Variants in MYOZ2 observed in about 807,000 individuals in gnomAD.
The protein encoded by MYOZ2 is myozenin-2.
A neutral mutation model predicts 25.4 loss-of-function variants in MYOZ2; 19 were observed. The ratio of observed to expected loss-of-function variants is 0.75; its 90% confidence interval spans 0.52 to 1.10. MYOZ2 has a LOEUF of 1.10. Ranked by LOEUF, MYOZ2 falls within the 50% of genes least tolerant of loss-of-function variation. MYOZ2 has a pLI of 0.00. For missense variants in MYOZ2, 270 were observed against 317.9 expected (o/e 0.85, Z 1.15); for synonymous variants, 92 against 106.9 (o/e 0.86, Z 0.86).
intron 5 of MYOZ2, among the ~76,000 whole-genome samples, chr4:119,170,810 G>A (rs1434940053): frequency 2.0e-5 from 3 of 152,088 alleles, no homozygotes; most frequent in Non-Finnish European, 4.4e-5. Context: ...AAGACATCAA[G>A]CTTCAAGTTC....
rs142908946 is a variant in MYOZ2, at chr4:119,152,147, T to A, written c.246+1106T>A. ...CAGCCATCCATTGATTAAATCTAGTTTTAATTGTGAATTCAGTTAGCCATC... is the reference window on the plus strand; with the variant it reads ...CAGCCATCCATTGATTAAATCTAGTATTAATTGTGAATTCAGTTAGCCATC... On this transcript the variant is annotated intron_variant, in intron 3 of 5. Transcript: ENST00000307128. Among the ~76,000 whole-genome samples the A allele has an allele frequency of 3.0e-3, 450 of 152,272 alleles. 4 individuals are homozygous for A. The highest frequency in any genetic ancestry group is 0.01 in the African/African-American group (431 of 41,578).
intron 5 of MYOZ2, among the ~76,000 whole-genome samples, chr4:119,175,500 C>T (rs1287111492): frequency 2.0e-5 from 3 of 152,128 alleles, no homozygotes; most frequent in Non-Finnish European, 4.4e-5. Context: ...GTGGGTCACA[C>T]CTATAATCCC....
At chr4:119,180,994 T>G (rs142058473) in intron 5 of MYOZ2, among the ~76,000 whole-genome samples, 175 of 152,342 alleles carry the variant, frequency 1.1e-3, no homozygotes, top group African/African-American at 3.7e-3. Context: ...TATAAGTCCA[T>G]GCATATCTAT....
chr4:119,154,605 G>A (rs989358474), intron 3 of MYOZ2, among the ~76,000 whole-genome samples: 1 of 152,072 alleles, frequency 6.6e-6, no homozygotes, highest in Admixed American at 6.6e-5. Context: ...TTATTTGTAA[G>A]TTTAGGTGAA....
At chr4:119,150,775 C>T in intron 2 of MYOZ2, 97 bp from the exon 3 acceptor site, 3 of 1,217,362 alleles carry the variant, frequency 2.5e-6, no homozygotes, top group Non-Finnish European at 3.6e-6. Flanking sequence ...TATGATTATG[C>T]AATTAGAAAG....
intron 2 of MYOZ2, among the ~76,000 whole-genome samples, chr4:119,150,427 T>G (rs1406335952): frequency 6.6e-6 from 1 of 151,662 alleles, no homozygotes; most frequent in East Asian, 1.9e-4. Context: ...TTTGACCGAG[T>G]CTGGGAAATG....
chr4:119,175,330 A>C (rs1411002114), intron 5 of MYOZ2, among the ~76,000 whole-genome samples: 1 of 152,206 alleles, frequency 6.6e-6, no homozygotes, highest in Non-Finnish European at 1.5e-5. Flanking sequence ...GTCTTCTTTG[A>C]TGTAATTCAG....
At chr4:119,141,660 G>A (rs1378257026) in intron 2 of MYOZ2, among the ~76,000 whole-genome samples, 2 of 152,156 alleles carry the variant, frequency 1.3e-5, no homozygotes, top group African/African-American at 4.8e-5. Context: ...GGGATTACAG[G>A]CATGAACCAC....
intron 4 of MYOZ2, 35 bp downstream of exon 4, chr4:119,158,186 T>A: frequency 6.2e-7 from 1 of 1,610,230 alleles, no homozygotes; most frequent in South Asian, 1.1e-5. Context: ...GCAATAAAAT[T>A]TCTGTGTACC....
intron 5 of MYOZ2, among the ~76,000 whole-genome samples, chr4:119,170,283 GT>G (rs35293972): frequency 0.36 from 50,863 of 143,128 alleles, 9,790 homozygotes; most frequent in East Asian, 0.53. Context: ...AGTATTTGTT[GT>G]TTTTTTTTTT....
At position 119,164,403 on chromosome 4, in the gene MYOZ2, A is replaced by G. The variant is rs397517290; in HGVS notation, c.560+9A>G. 5 of 1,613,926 alleles carry G rather than the reference A, an allele frequency of 3.1e-6. No individual in the cohort carries two copies. Among genetic ancestry groups the G allele is most frequent in the South Asian group, 1.1e-5 (1 of 91,064 alleles). ...TACAGGAGCTTTAACAGGTAATTCAATGGTCCTGGGTGACACTGTTGGCAT... is the reference window on the plus strand; with the variant it reads ...TACAGGAGCTTTAACAGGTAATTCAGTGGTCCTGGGTGACACTGTTGGCAT... On this transcript the variant is annotated intron_variant, in intron 5 of 5. Transcript: ENST00000307128.
chr4:119,156,432 A>G (rs1031693018), intron 3 of MYOZ2, among the ~76,000 whole-genome samples: 7 of 151,956 alleles, frequency 4.6e-5, no homozygotes, highest in African/African-American at 1.7e-4. Context: ...GCAAGGCTAA[A>G]ACATTTAGGC....
intron 2 of MYOZ2, among the ~76,000 whole-genome samples, chr4:119,138,954 C>T (rs1741099296): frequency 6.6e-6 from 1 of 151,968 alleles, no homozygotes; most frequent in African/African-American, 2.4e-5. Context: ...ACATCAGAGC[C>T]CTCATTCCAT....
intron 2 of MYOZ2, among the ~76,000 whole-genome samples, chr4:119,146,809 G>A (rs1276946836): frequency 6.6e-6 from 1 of 152,036 alleles, no homozygotes; most frequent in Non-Finnish European, 1.5e-5. Context: ...TGCTGAGATG[G>A]GGGGATTGAA....
intron 5 of MYOZ2, among the ~76,000 whole-genome samples, chr4:119,167,238 C>CAAAATAT (rs1741843080): frequency 5.9e-5 from 9 of 152,148 alleles, no homozygotes; most frequent in Admixed American, 5.9e-4. Flanking sequence ...AGTAAAACAG[C>CAAAATAT]CTTAGTGCTG....
intron 2 of MYOZ2, among the ~76,000 whole-genome samples, chr4:119,137,636 G>A (rs1484541756): frequency 2.6e-5 from 4 of 151,284 alleles, no homozygotes; most frequent in South Asian, 2.1e-4. Context: ...TAAGAGGTCC[G>A]TTGTTGTTTT....
chr4:119,150,494 CAT>C (rs1405936231), intron 2 of MYOZ2, among the ~76,000 whole-genome samples: 2 of 125,866 alleles, frequency 1.6e-5, no homozygotes, highest in African/African-American at 5.1e-5. Flanking sequence ...AAAGCTGACA[CAT>C]AAAAATGTGG....
intron 5 of MYOZ2, among the ~76,000 whole-genome samples, chr4:119,173,958 C>T (rs1455707920): frequency 6.6e-6 from 1 of 152,174 alleles, no homozygotes; most frequent in East Asian, 1.9e-4. Flanking sequence ...TGTACTGGGT[C>T]CCCCAGCAGT....
At chr4:119,167,969 A>ATGTTT (rs140910198) in intron 5 of MYOZ2, among the ~76,000 whole-genome samples, 10,537 of 152,060 alleles carry the variant, frequency 0.069, 696 homozygotes, top group African/African-American at 0.17. Context: ...ACGGAGATTA[A>ATGTTT]TGTTTTGTTT....
Sources: gnomAD v4.1 joint callset for allele counts (sites outside exome capture counted in the v4.1 genomes callset) on GRCh38, gnomAD v4.1.1 for gene constraint, MANE v1.5 for transcripts, NCBI Gene and HGNC (gene_info 2026-07-23, HGNC 2026-07-21) for gene names.